The following CELF4 variants were observed in gnomAD, a reference collection of about 807,000 sequenced individuals.
CELF4 encodes the protein CUG-BP- and ETR-3-like factor 4.
A neutral mutation model predicts 59.9 loss-of-function variants in CELF4; 18 were observed. The ratio of observed to expected loss-of-function variants is 0.30; its 90% CI spans 0.21 to 0.45. The LOEUF is 0.45. CELF4 is among the 20% of genes least tolerant of loss of function. The probability of loss-of-function intolerance (pLI) is 1.00; values close to 1 mark genes in which losing one functional copy is unlikely to be tolerated. For synonymous variants in CELF4, 261 were observed against 267.1 expected (o/e 0.98, Z 0.22); for missense variants, 456 against 689.0 (o/e 0.66, Z 3.79).
chr18:37,514,009 G>A (rs1193396439), intron 1 of CELF4, among the ~76,000 whole-genome samples: 6 of 150,946 alleles, frequency 4.0e-5, no homozygotes, highest in Non-Finnish European at 5.9e-5. Flanking sequence ...GGTGTGGGAT[G>A]GTGACTTCTG....
At chr18:37,435,410 T>C (rs189444033) in intron 2 of CELF4, among the ~76,000 whole-genome samples, 2 of 152,148 alleles carry the variant, frequency 1.3e-5, no homozygotes, top group Admixed American at 1.3e-4. Flanking sequence ...CTGCTGTCAA[T>C]GGTTCTAGTC....
chr18:37,457,102 A>T (rs2099780442), intron 2 of CELF4, among the ~76,000 whole-genome samples: 1 of 152,086 alleles, frequency 6.6e-6, no homozygotes, highest in South Asian at 2.1e-4. Context: ...TGCTTCTATC[A>T]CTGGGTGCTT....
intron 2 of CELF4, among the ~76,000 whole-genome samples, chr18:37,368,503 A>G (rs1405271139): frequency 1.3e-5 from 2 of 152,084 alleles, no homozygotes; most frequent in East Asian, 1.9e-4. Context: ...CCCACTGCCC[A>G]TGCCAAGGTC....
At chr18:37,332,896 C>T (rs1254639479) in intron 2 of CELF4, among the ~76,000 whole-genome samples, 1 of 152,228 alleles carries the variant, frequency 6.6e-6, no homozygotes, top group Non-Finnish European at 1.5e-5. Flanking sequence ...CCAAGCCCCA[C>T]GTCCATCTTG....
intron 2 of CELF4, among the ~76,000 whole-genome samples, chr18:37,359,850 CT>C (rs1275762842): frequency 3.5e-5 from 5 of 142,132 alleles, no homozygotes; most frequent in South Asian, 2.3e-4. Flanking sequence ...CCTGGGCTTT[CT>C]TTTTTTTTTC....
chr18:37,443,012 C>T (rs1178296103), intron 2 of CELF4, among the ~76,000 whole-genome samples: 2 of 152,206 alleles, frequency 1.3e-5, no homozygotes, highest in Non-Finnish European at 2.9e-5. Flanking sequence ...CCCTAAGCCT[C>T]CCCTGACTTC....
intron 2 of CELF4, among the ~76,000 whole-genome samples, chr18:37,327,633 T>C (rs1326835870): frequency 1.3e-5 from 2 of 152,156 alleles, no homozygotes; most frequent in Non-Finnish European, 2.9e-5. Context: ...TGATGCCTGC[T>C]TAAAGCCAAA....
intron 2 of CELF4, among the ~76,000 whole-genome samples, chr18:37,438,448 C>T (rs766048145): frequency 3.9e-5 from 6 of 152,190 alleles, no homozygotes; most frequent in Non-Finnish European, 8.8e-5. Flanking sequence ...GTTTAAGCAG[C>T]TGTCCTGACA....
chr18:37,518,234 C>CCCCTAA, intron 1 of CELF4, among the ~76,000 whole-genome samples: 1 of 152,122 alleles, frequency 6.6e-6, no homozygotes, highest in African/African-American at 2.4e-5. Context: ...GGCGGGCAAG[C>CCCCTAA]GTAATATTAC....
chr18:37,333,238 C>T (rs939154133), intron 2 of CELF4, among the ~76,000 whole-genome samples: 2 of 152,090 alleles, frequency 1.3e-5, no homozygotes, highest in Non-Finnish European at 2.9e-5. Context: ...GGGGATTAAA[C>T]ATGATCGCTC....
intron 1 of CELF4, among the ~76,000 whole-genome samples, chr18:37,521,591 C>T (rs1384136944): frequency 6.6e-6 from 1 of 152,148 alleles, no homozygotes; most frequent in Non-Finnish European, 1.5e-5. Flanking sequence ...ATTTTGACAG[C>T]TTATCTATAA....
chr18:37,384,174 C>T (rs1382708129), intron 2 of CELF4, among the ~76,000 whole-genome samples: 2 of 152,062 alleles, frequency 1.3e-5, no homozygotes, highest in African/African-American at 4.8e-5. Context: ...GGGAGGGGGA[C>T]AAATTTGGCT....
At chr18:37,517,594 C>G (rs2099952203) in intron 1 of CELF4, among the ~76,000 whole-genome samples, 1 of 152,160 alleles carries the variant, frequency 6.6e-6, no homozygotes. Flanking sequence ...GTTGGTCGCC[C>G]CGTGTCTAAC....
At chr18:37,561,658 C>T (rs77111568) in intron 1 of CELF4, among the ~76,000 whole-genome samples, 1,645 of 152,096 alleles carry the variant, frequency 0.011, 19 homozygotes, top group Non-Finnish European at 0.017. Flanking sequence ...TCAGACACTG[C>T]CTCTTTTTGT....
At chr18:37,461,424 A>T (rs2099793191) in intron 2 of CELF4, among the ~76,000 whole-genome samples, 2 of 152,214 alleles carry the variant, frequency 1.3e-5, no homozygotes, top group South Asian at 4.1e-4. Flanking sequence ...TGCTGAGCAG[A>T]AGAGGGAAAA....
intron 1 of CELF4, among the ~76,000 whole-genome samples, chr18:37,553,245 G>T (rs1269053172): frequency 1.3e-5 from 2 of 152,126 alleles, no homozygotes; most frequent in African/African-American, 4.8e-5. Context: ...GTCATACTCT[G>T]TGTCTTTGTC....
intron 3 of CELF4, among the ~76,000 whole-genome samples, chr18:37,278,485 T>C (rs1310116474): frequency 6.6e-6 from 1 of 152,216 alleles, no homozygotes; most frequent in Non-Finnish European, 1.5e-5. Flanking sequence ...GTGGACTTCC[T>C]TGTGGGCCAG....
chr18:37,422,564 G>C (rs541434082), intron 2 of CELF4, among the ~76,000 whole-genome samples: 2 of 152,332 alleles, frequency 1.3e-5, no homozygotes, highest in East Asian at 3.9e-4. Context: ...TGTACCTGAA[G>C]AAGAACTGAG....
chr18:37,474,768 C>A (rs2099844113), intron 2 of CELF4, among the ~76,000 whole-genome samples: 1 of 152,200 alleles, frequency 6.6e-6, no homozygotes, highest in Admixed American at 6.5e-5. Flanking sequence ...TGGGATGATG[C>A]CACAAGGCTC....
Sources: gnomAD v4.1 joint callset for allele counts (sites outside exome capture counted in the v4.1 genomes callset) on GRCh38, gnomAD v4.1.1 for gene constraint, MANE v1.5 for transcripts, NCBI Gene and HGNC (gene_info 2026-07-23, HGNC 2026-07-21) for gene names.